Variants in RPS6KA1 observed in about 807,000 individuals in gnomAD.
RPS6KA1 encodes ribosomal protein S6 kinase alpha-1.
A neutral mutation model predicts 91.3 loss-of-function variants in RPS6KA1; 48 were observed. The observed-to-expected ratio is 0.53, with a 90% CI of 0.42 to 0.67. The LOEUF is 0.67. RPS6KA1 is among the 30% of genes least tolerant of loss of function. RPS6KA1 has a pLI of 0.00. For missense variants in RPS6KA1, 719 were observed against 960.5 expected, an observed-to-expected ratio of 0.75 and a Z score of 3.32; for synonymous variants, 359 against 384.7, an observed-to-expected ratio of 0.93 and a Z score of 0.78.
In RPS6KA1 at chr1:26,531,797, G is replaced by C. The variant is rs538208069; in HGVS notation, c.63+1814G>C. ...GTTCTAGCCTCCACTTCCTGGGCCT[G>C]AGAGGGTGCAGAGCGCTGGGTACTG... On this transcript the variant is annotated intron_variant, in intron 1 of 21. Transcript: ENST00000374168. 4.6e-5 allele frequency among the ~76,000 whole-genome samples: 7 copies of C among 152,180 alleles called. No individual in the cohort carries two copies. In the South Asian group the frequency reaches 6.2e-4, roughly 13 times the overall value.
intron 1 of RPS6KA1, 74 bp from the exon 2 acceptor site, chr1:26,536,851 G>A (rs1375347279): frequency 1.3e-6 from 2 of 1,559,750 alleles, no homozygotes; most frequent in East Asian, 2.2e-5. Flanking sequence ...TAAGGGTGGG[G>A]GTGCCCCACA....
Position 26,554,838 on chromosome 1 carries a change from G to A in RPS6KA1, c.756+100G>A, listed in dbSNP as rs60276448. The A allele has an allele frequency of 4.9e-3, 6,996 of 1,439,316 alleles. 294 individuals carry two copies. In the African/African-American group the frequency reaches 0.087, roughly 18 times the overall value. 89.2% of individuals were successfully genotyped at this position (1,439,316 alleles called of 1,614,324 possible). On this transcript the variant is annotated intron_variant, in intron 9 of 21. Coordinates refer to ENST00000374168, the MANE Select transcript of RPS6KA1 (RefSeq NM_002953.4). This position sits in a 1 kb window ranked among gnomAD's most constrained non-coding sequence, Gnocchi z 4.6. ...GTTGATCATTTCTAGGGCTCTCCCC[G>A]TCTCCTCTCACAGCCAAGCTGGCCT...
intron 17 of RPS6KA1, among the ~76,000 whole-genome samples, chr1:26,564,878 T>C (rs1157353866): frequency 6.6e-6 from 1 of 152,186 alleles, no homozygotes; most frequent in African/African-American, 2.4e-5. Flanking sequence ...TTTTTCCTTT[T>C]TTCTGTTTTG....
At chr1:26,559,490 C>T (rs1054063226) in intron 14 of RPS6KA1, among the ~76,000 whole-genome samples, 15 of 152,062 alleles carry the variant, frequency 9.9e-5, no homozygotes, top group African/African-American at 3.6e-4. Context: ...CCTCAGTCTC[C>T]CGAATAGCTG....
At chr1:26,546,824 T>C in intron 2 of RPS6KA1, 43 bp from the exon 3 acceptor site, 1 of 1,538,612 alleles carries the variant, frequency 6.5e-7, no homozygotes, top group Non-Finnish European at 9.0e-7. Context: ...TCCTGCTGCC[T>C]GGATGGGGCC....
intron 14 of RPS6KA1, 46 bp from the exon 15 acceptor site, chr1:26,560,680 A>G (rs2076145920): frequency 1.2e-6 from 2 of 1,612,672 alleles, no homozygotes; most frequent in Non-Finnish European, 1.7e-6. Flanking sequence ...GATGACCCCT[A>G]GCACTCTAGA....
intron 2 of RPS6KA1, among the ~76,000 whole-genome samples, chr1:26,544,546 C>T (rs1225045297): frequency 1.3e-5 from 2 of 151,412 alleles, no homozygotes; most frequent in African/African-American, 4.9e-5. Flanking sequence ...GCGATCTTGG[C>T]TCACTGCAGC....
chr1:26,561,579 G>A lies in RPS6KA1; in HGVS notation c.1506G>A (p.Leu502=), dbSNP rs776620283. The A allele has an allele frequency of 9.3e-6, 15 of 1,614,172 alleles. No homozygotes were observed. Among genetic ancestry groups the A allele is most frequent in the Non-Finnish European group, 1.0e-5 (12 of 1,180,008 alleles). ...MRGGELLDKI[L]RQKFFSEREA... ...GTGGGGAGCTGCTGGACAAGATCCT[G>A]CGGCAGAAGTTCTTCTCAGAGCGGG... is the stretch of plus-strand genomic sequence containing the variant. The change falls in exon 17 of 22, where the codon CTG becomes CTA. Residue 502 remains leucine, a synonymous_variant. Coordinates refer to ENST00000374168, the MANE Select transcript of RPS6KA1 (RefSeq NM_002953.4). The surrounding 1 kb of genome is among the most constrained non-coding windows in gnomAD (Gnocchi z 5.7).
Position 26,551,639 on chromosome 1 carries a change from C to T in RPS6KA1, c.389-5C>T, listed in dbSNP as rs1289959006. The T allele has an allele frequency of 3.1e-6, 5 of 1,614,026 alleles. No individual in the cohort carries two copies. Among genetic ancestry groups the T allele is most frequent in the Admixed American group, 1.7e-5 (1 of 60,030 alleles). ...CTCTACCATTGCCTTTCTCCCTCTT[C>T]CCAGCCTTCCAGACCGAGGGCAAGC... On this transcript the variant is annotated splice_region_variant and splice_polypyrimidine_tract_variant and intron_variant, in intron 5 of 21. Coordinates refer to ENST00000374168, the MANE Select transcript of RPS6KA1 (RefSeq NM_002953.4). The surrounding 1 kb of genome is among the most constrained non-coding windows in gnomAD (Gnocchi z 4.5).
chr1:26,556,969 G>A, intron 12 of RPS6KA1, 29 bp from the exon 13 acceptor site: 1 of 1,564,286 alleles, frequency 6.4e-7, no homozygotes, highest in Non-Finnish European at 8.8e-7. Context: ...GGATGCCATG[G>A]TGACCAGAGT....
rs1298972874 is a variant in RPS6KA1, at chr1:26,558,722, G to A, written c.1085-85G>A. 7.4e-6 allele frequency: 11 copies of A among 1,494,144 alleles called. No homozygotes were observed. Among genetic ancestry groups the A allele is most frequent in the Admixed American group, 2.0e-5 (1 of 50,056 alleles). 92.6% of individuals were successfully genotyped at this position (1,494,144 alleles called of 1,614,324 possible). A position where few individuals can be genotyped will look rare whatever the true frequency, so the allele number is the denominator to read the frequency against. The stretch of plus-strand genomic sequence containing the variant: ...GGCCAGCCCCTGAGGCAGGTCTGGA[G>A]GCCCTGTGCTCCCCCTTTGCTGGGC... On this transcript the variant is annotated intron_variant, in intron 13 of 21. Transcript: ENST00000374168. This position sits in a 1 kb window ranked among gnomAD's most constrained non-coding sequence, Gnocchi z 4.0.
Position 26,551,502 on chromosome 1 carries a change from C to T in RPS6KA1, c.388+25C>T. ...GGTAAAGCTTCTGGCCCTGCCTGAG[C>T]TCCTACCCCACCCATCCTTCGCCCT... On this transcript the variant is annotated intron_variant, in intron 5 of 21. Coordinates refer to ENST00000374168, the MANE Select transcript of RPS6KA1 (RefSeq NM_002953.4). The surrounding 1 kb of genome is among the most constrained non-coding windows in gnomAD (Gnocchi z 4.5). 1.2e-6 allele frequency: 2 copies of T among 1,611,652 alleles called. No individual in the cohort carries two copies. The highest frequency in any genetic ancestry group is 1.7e-6 in the Non-Finnish European group (2 of 1,177,790).
At position 26,554,244 on chromosome 1, in the gene RPS6KA1, A is replaced by G; in HGVS notation, c.606A>G (p.Lys202=). The G allele has an allele frequency of 6.4e-7, 1 of 1,557,416 alleles. No homozygotes were observed. The highest frequency in any genetic ancestry group is 8.7e-7 in the Non-Finnish European group (1 of 1,150,156). The change falls in exon 8 of 22, where the codon AAA becomes AAG. Residue 202 remains lysine (K), a synonymous_variant. Transcript: ENST00000374168. This position sits in a 1 kb window ranked among gnomAD's most constrained non-coding sequence, Gnocchi z 4.6. ...TTCTGGATGAGGAGGGCCACATCAA[A>G]CTCACTGGTGAGTGGAGGGCGCCTG... The part of the protein sequence containing the change: ...NILLDEEGHI[K]LTDFGLSKEA...
In RPS6KA1 at chr1:26,532,298, C is replaced by T. The variant is rs184052835; in HGVS notation, c.63+2315C>T. On this transcript the variant is annotated intron_variant, in intron 1 of 21. Coordinates refer to ENST00000374168, the MANE Select transcript of RPS6KA1 (RefSeq NM_002953.4). ...ACTATGTGCCACCCACTCTGCCTTA[C>T]GAATGTCACCCCACTTTAATTCTCA... Among the ~76,000 whole-genome samples the T allele has an allele frequency of 2.0e-3, 303 of 152,312 alleles. 3 individuals carry two copies. The highest frequency in any genetic ancestry group is 7.0e-3 in the African/African-American group (291 of 41,560).
intron 2 of RPS6KA1, among the ~76,000 whole-genome samples, chr1:26,542,890 G>C (rs1289077546): frequency 6.6e-6 from 1 of 152,182 alleles, no homozygotes; most frequent in African/African-American, 2.4e-5. Flanking sequence ...TTATCGCCTT[G>C]TGACTTTTGT....
chr1:26,565,797 A>C (rs368106094), intron 17 of RPS6KA1, among the ~76,000 whole-genome samples: 2 of 152,068 alleles, frequency 1.3e-5, no homozygotes, highest in Non-Finnish European at 2.9e-5. Context: ...CCTGACCTCA[A>C]GTGATCCACC....
intron 13 of RPS6KA1, among the ~76,000 whole-genome samples, chr1:26,557,834 C>T (rs983085831): frequency 1.4e-5 from 2 of 140,868 alleles, no homozygotes; most frequent in African/African-American, 5.3e-5. Flanking sequence ...CTTCCCTCTC[C>T]TCTCCTCTTT....
Position 26,551,392 on chromosome 1 carries a change from G to A in RPS6KA1, c.308-5G>A, listed in dbSNP as rs772743853. 9.9e-6 allele frequency: 16 copies of A among 1,613,832 alleles called. No homozygotes were observed. Among genetic ancestry groups the A allele is most frequent in the African/African-American group, 2.7e-5 (2 of 74,908 alleles). On this transcript the variant is annotated splice_region_variant and splice_polypyrimidine_tract_variant and intron_variant, in intron 4 of 21. Coordinates refer to ENST00000374168, the MANE Select transcript of RPS6KA1 (RefSeq NM_002953.4). The surrounding 1 kb of genome is among the most constrained non-coding windows in gnomAD (Gnocchi z 4.5). Reference sequence around the variant, plus strand: ...TACTGGTGACTTCCTTTCTCGTCTGGCCAGTACGTGACCGCGTCCGGACCA... The same window carrying A: ...TACTGGTGACTTCCTTTCTCGTCTGACCAGTACGTGACCGCGTCCGGACCA...
intron 17 of RPS6KA1, among the ~76,000 whole-genome samples, chr1:26,565,781 C>T (rs1191332256): frequency 1.3e-5 from 2 of 152,028 alleles, no homozygotes; most frequent in African/African-American, 2.4e-5. Context: ...AGGCTGGTCT[C>T]GACCTCCTGA....
Sources: allele counts gnomAD v4.1 joint callset (sites outside exome capture counted in the v4.1 genomes callset), GRCh38; gene constraint gnomAD v4.1.1; non-coding constraint Gnocchi (gnomAD v3.1); transcripts MANE v1.5; gene names NCBI Gene and HGNC (gene_info 2026-07-23, HGNC 2026-07-21).